SIMC1: variants seen among roughly 807,000 people sequenced by gnomAD.
SIMC1 encodes SUMO interacting motifs containing 1, also known as SUMO-interacting motif-containing protein 1.
A neutral mutation model predicts 82.3 loss-of-function variants in SIMC1; 55 were observed. The ratio of observed to expected loss-of-function variants is 0.67; its 90% CI spans 0.54 to 0.84. SIMC1 has a LOEUF of 0.84. SIMC1 is among the 40% of genes least tolerant of loss of function. SIMC1 has a pLI of 0.00. For missense variants in SIMC1, 915 were observed against 1,107.2 expected (o/e 0.83, Z 2.46); for synonymous variants, 353 against 426.3 (o/e 0.83, Z 2.12).
intron 1 of SIMC1, among the ~76,000 whole-genome samples, chr5:176,283,787 A>C (rs1459800129): frequency 6.6e-6 from 1 of 152,208 alleles, no homozygotes; most frequent in Non-Finnish European, 1.5e-5. Flanking sequence ...CCCATCTCAC[A>C]TGCAGAGGCA....
At chr5:176,280,486 A>G (rs1762941915) in intron 1 of SIMC1, among the ~76,000 whole-genome samples, 1 of 151,162 alleles carries the variant, frequency 6.6e-6, no homozygotes, top group Non-Finnish European at 1.5e-5. Flanking sequence ...TTATGATGTT[A>G]GCTGGTTATT....
At chr5:176,299,410 A>G (rs1337969264) in intron 4 of SIMC1, among the ~76,000 whole-genome samples, 1 of 152,080 alleles carries the variant, frequency 6.6e-6, no homozygotes, top group African/African-American at 2.4e-5. Flanking sequence ...AAAAAAAGAA[A>G]TAAAGATTTG....
chr5:176,260,621 ATGTT>A (rs927447394), intron 1 of SIMC1, among the ~76,000 whole-genome samples: 1 of 151,642 alleles, frequency 6.6e-6, no homozygotes, highest in Non-Finnish European at 1.5e-5. Flanking sequence ...AGGAAAAAAA[ATGTT>A]TGTAGGACAA....
intron 7 of SIMC1, among the ~76,000 whole-genome samples, chr5:176,326,752 A>G (rs1309821422): frequency 6.6e-6 from 1 of 152,016 alleles, no homozygotes; most frequent in Non-Finnish European, 1.5e-5. Flanking sequence ...TTTAGTAGAG[A>G]TGGGGTTTCA....
intron 1 of SIMC1, chr5:176,261,187 A>C (rs1413785013): frequency 1.3e-5 from 2 of 152,020 alleles, no homozygotes; most frequent in Non-Finnish European, 2.9e-5. Flanking sequence ...TTGTATTTTT[A>C]GTAGAGATGG....
At chr5:176,276,186 C>T (rs1050319990) in intron 1 of SIMC1, among the ~76,000 whole-genome samples, 4 of 151,636 alleles carry the variant, frequency 2.6e-5, no homozygotes, top group Admixed American at 6.6e-5. Flanking sequence ...CAACTTCTTC[C>T]TGGTTTAGTC....
At chr5:176,244,324 T>C (rs1761363295) in intron 1 of SIMC1, among the ~76,000 whole-genome samples, 2 of 117,490 alleles carry the variant, frequency 1.7e-5, no homozygotes, top group Non-Finnish European at 1.7e-5. Context: ...TTTGAAGGTA[T>C]AAAACTTAAC....
intron 5 of SIMC1, among the ~76,000 whole-genome samples, chr5:176,318,586 C>G (rs1765015797): frequency 6.6e-6 from 1 of 152,128 alleles, no homozygotes; most frequent in Non-Finnish European, 1.5e-5. Flanking sequence ...TGTCTTTTCT[C>G]TTTCATGGCT....
intron 4 of SIMC1, chr5:176,308,208 A>ATATG: frequency 6.6e-7 from 1 of 1,511,970 alleles, no homozygotes; most frequent in East Asian, 2.3e-5. Flanking sequence ...ACAAGGAGTG[A>ATATG]CTCCAAATTT....
At chr5:176,306,167 C>A (rs1432402351) in intron 4 of SIMC1, among the ~76,000 whole-genome samples, 1 of 37,092 alleles carries the variant, frequency 2.7e-5, no homozygotes, top group African/African-American at 1.1e-4. Flanking sequence ...GAGGTGGGGG[C>A]GTCAGCCCCC....
At chr5:176,312,778 C>T (rs182762045) in intron 4 of SIMC1, among the ~76,000 whole-genome samples, 1 of 152,068 alleles carries the variant, frequency 6.6e-6, no homozygotes, top group Non-Finnish European at 1.5e-5. Flanking sequence ...CTCTGGAGTT[C>T]GGAGGTTTCC....
intron 4 of SIMC1, 36 bp downstream of exon 4, chr5:176,296,356 G>C (rs1763815976): frequency 6.2e-7 from 1 of 1,612,814 alleles, no homozygotes; most frequent in African/African-American, 1.3e-5. Context: ...TTCTGTAGGG[G>C]AAGTTTTAAC....
At chr5:176,280,390 A>G (rs1227021543) in intron 1 of SIMC1, among the ~76,000 whole-genome samples, 2 of 151,436 alleles carry the variant, frequency 1.3e-5, no homozygotes, top group East Asian at 2.0e-4. Flanking sequence ...TCTTTATCCA[A>G]TTTGCCAGTC....
intron 4 of SIMC1, among the ~76,000 whole-genome samples, chr5:176,310,121 T>G (rs1011932781): frequency 1.3e-5 from 2 of 152,202 alleles, no homozygotes; most frequent in African/African-American, 4.8e-5. Context: ...GACTTACTTA[T>G]CTGAATGGCT....
intron 1 of SIMC1, among the ~76,000 whole-genome samples, chr5:176,251,076 G>C (rs1463595602): frequency 6.6e-6 from 1 of 152,180 alleles, no homozygotes; most frequent in Admixed American, 6.5e-5. Flanking sequence ...AATTTGGTAT[G>C]TTTGGCCAGG....
At chr5:176,247,700 G>A (rs1173051611) in intron 1 of SIMC1, among the ~76,000 whole-genome samples, 1 of 150,850 alleles carries the variant, frequency 6.6e-6, no homozygotes, top group Non-Finnish European at 1.5e-5. Flanking sequence ...TGTCCTGAAT[G>A]GTATTGCCTA....
At chr5:176,287,626 T>C (rs918206213) in intron 1 of SIMC1, among the ~76,000 whole-genome samples, 12 of 144,580 alleles carry the variant, frequency 8.3e-5, no homozygotes, top group Non-Finnish European at 1.2e-4. Flanking sequence ...ACTTAAAATA[T>C]AATAATTTTT....
chr5:176,339,716 C>T (rs550746672), intron 9 of SIMC1, among the ~76,000 whole-genome samples: 31 of 152,276 alleles, frequency 2.0e-4, no homozygotes, highest in Admixed American at 5.2e-4. Flanking sequence ...AGGCCTCAAA[C>T]CAGTATATAT....
intron 4 of SIMC1, chr5:176,308,521 T>C (rs1249128574): frequency 1.3e-5 from 21 of 1,604,550 alleles, no homozygotes; most frequent in Non-Finnish European, 1.7e-5. Context: ...GTAGGACTTA[T>C]TTTTTCCTGT....
Sources: gnomAD v4.1 joint callset for allele counts (sites outside exome capture counted in the v4.1 genomes callset) on GRCh38, gnomAD v4.1.1 for gene constraint, MANE v1.5 for transcripts, NCBI Gene and HGNC (gene_info 2026-07-23, HGNC 2026-07-21) for gene names.